The following RBFOX2 variants were observed in gnomAD, a reference collection of about 807,000 sequenced individuals.
RBFOX2 encodes RNA binding fox-1 homolog 2.
RBFOX2 carries 10 observed loss-of-function variants against 49.1 expected under a neutral mutation model. That is an observed-to-expected ratio of 0.20 (90% confidence interval 0.13 to 0.35). The LOEUF (loss-of-function observed/expected upper bound fraction) is 0.35, where lower values mean the gene tolerates loss of function less well. RBFOX2 is among the 10% of genes least tolerant of loss of function. RBFOX2 has a pLI of 1.00. For synonymous variants in RBFOX2, 183 were observed against 187.4 expected (o/e 0.98, Z 0.19); for missense variants, 323 against 486.9 (o/e 0.66, Z 3.17).
At chr22:35,945,289 A>T (rs2054152194) in intron 1 of RBFOX2, among the ~76,000 whole-genome samples, 1 of 152,250 alleles carries the variant, frequency 6.6e-6, no homozygotes, top group Admixed American at 6.5e-5. Context: ...TCACTATGTT[A>T]TTCGCAGCAA....
chr22:35,878,259 A>G (rs2045421547), intron 1 of RBFOX2, among the ~76,000 whole-genome samples: 1 of 152,090 alleles, frequency 6.6e-6, no homozygotes, highest in African/African-American at 2.4e-5. Context: ...TTAGCCGAGC[A>G]TGGTGGTATG....
intron 1 of RBFOX2, among the ~76,000 whole-genome samples, chr22:35,960,945 T>C (rs974527371): frequency 6.6e-6 from 1 of 151,940 alleles, no homozygotes; most frequent in African/African-American, 2.4e-5. Context: ...GATGCACAGG[T>C]TCTGTTATAT....
intron 1 of RBFOX2, among the ~76,000 whole-genome samples, chr22:35,836,032 C>G (rs1016055044): frequency 2.6e-5 from 4 of 151,956 alleles, no homozygotes; most frequent in African/African-American, 4.8e-5. Context: ...TCCTGCAAAG[C>G]CCATAGAAAG....
At chr22:35,883,176 G>A (rs2046141720) in intron 1 of RBFOX2, among the ~76,000 whole-genome samples, 2 of 152,158 alleles carry the variant, frequency 1.3e-5, no homozygotes, top group South Asian at 4.1e-4. Flanking sequence ...GTTAGCTCCT[G>A]AGCACTTTCT....
At chr22:35,916,449 T>C (rs571149862) in intron 1 of RBFOX2, among the ~76,000 whole-genome samples, 35 of 152,238 alleles carry the variant, frequency 2.3e-4, no homozygotes, top group African/African-American at 7.9e-4. Flanking sequence ...ACCCGGCTAA[T>C]ATTTGTATTT....
In RBFOX2 at chr22:35,899,122, A is replaced by AATAGC. The variant is rs1556357858; in HGVS notation, c.-34+39724_-34+39725insGCTAT. Reference sequence around the variant, plus strand: ...AACAAGAGCAAAATTCTGTCTCAAAAATAACATAACATAACATAACATAAC... The same window carrying AATAGC: ...AACAAGAGCAAAATTCTGTCTCAAAAATAGCATAACATAACATAACATAACATAAC... On this transcript the variant is annotated intron_variant, in intron 1 of 13. Transcript: ENST00000359369. Among the ~76,000 whole-genome samples the AATAGC allele has an allele frequency of 2.2e-5, 3 of 139,320 alleles. No individual in the cohort carries two copies. The East Asian group carries it at 6.4e-4, about 30-fold the overall frequency. The allele number at this position is 139,320 out of a possible 152,430, so 91.4% of individuals were successfully genotyped here. A position where few individuals can be genotyped will look rare whatever the true frequency, so the allele number is the denominator to read the frequency against.
At chr22:35,976,469 C>G (rs142848736) in intron 1 of RBFOX2, among the ~76,000 whole-genome samples, 1,679 of 152,240 alleles carry the variant, frequency 0.011, 53 homozygotes, top group Admixed American at 0.068. Context: ...CATCCTTTCA[C>G]AAATATTTCC....
At chr22:35,993,689 C>T (rs1367817509) in intron 1 of RBFOX2, 3 of 152,068 alleles carry the variant, frequency 2.0e-5, no homozygotes, top group Non-Finnish European at 2.9e-5. Context: ...CGAGAAATAA[C>T]TAATAGGGAG....
intron 2 of RBFOX2, among the ~76,000 whole-genome samples, chr22:35,784,488 A>G (rs6000004): frequency 0.23 from 34,321 of 152,178 alleles, 6,031 homozygotes; most frequent in African/African-American, 0.49. Flanking sequence ...GGTATCAGAC[A>G]GCTGCTCTCC....
At chr22:35,848,950 C>A (rs1042303677) in intron 1 of RBFOX2, among the ~76,000 whole-genome samples, 1 of 152,046 alleles carries the variant, frequency 6.6e-6, no homozygotes, top group Non-Finnish European at 1.5e-5. Context: ...AACCAGAATC[C>A]AGGACTCCTA....
At chr22:35,820,824 A>G (rs1046575155) in intron 1 of RBFOX2, among the ~76,000 whole-genome samples, 4 of 152,240 alleles carry the variant, frequency 2.6e-5, no homozygotes, top group Non-Finnish European at 5.9e-5. Context: ...AACAAAGGTG[A>G]TATGAGGTAG....
intron 1 of RBFOX2, among the ~76,000 whole-genome samples, chr22:35,980,142 TA>T (rs1156702776): frequency 1.3e-5 from 2 of 151,752 alleles, no homozygotes; most frequent in Non-Finnish European, 2.9e-5. Flanking sequence ...TTGAGATGTA[TA>T]AAAAAAATAG....
chr22:36,000,852 T>G lies in RBFOX2; in HGVS notation c.186+27388A>C, dbSNP rs558135268. Among the ~76,000 whole-genome samples, 81 of 152,200 alleles carry G rather than the reference T, an allele frequency of 5.3e-4. 1 individual carries two copies. Among genetic ancestry groups the G allele is most frequent in the South Asian group, 3.5e-3 (17 of 4,804 alleles). On this transcript the variant is annotated intron_variant, in intron 1 of 13. Transcript: ENST00000438146. The stretch of plus-strand genomic sequence containing the variant: ...CTGTCTCCAACTCCCTATCTCCACA[T>G]AACACAAAAGTTAAATCCTACTCAA...
chr22:35,835,065 T>C (rs1603364166), intron 1 of RBFOX2, among the ~76,000 whole-genome samples: 1 of 152,138 alleles, frequency 6.6e-6, no homozygotes, highest in Non-Finnish European at 1.5e-5. Flanking sequence ...TGGAGCCCAC[T>C]AAGAAAGGTG....
At chr22:35,841,216 G>A (rs1169328670), upstream of RBFOX2, among the ~76,000 whole-genome samples, 1 of 152,086 alleles carries the variant, frequency 6.6e-6, no homozygotes, top group Non-Finnish European at 1.5e-5. Flanking sequence ...GTTTTCTCCA[G>A]CCTTCTATGT....
intron 1 of RBFOX2, among the ~76,000 whole-genome samples, chr22:35,845,997 AT>A (rs145167751): frequency 0.14 from 20,590 of 151,346 alleles, 1,902 homozygotes; most frequent in East Asian, 0.19. Flanking sequence ...TATAAATTAT[AT>A]AAACTTGCAT....
intron 1 of RBFOX2, among the ~76,000 whole-genome samples, chr22:35,853,658 C>CGTGTGT (rs36048607): frequency 0.017 from 2,418 of 141,094 alleles, 38 homozygotes; most frequent in East Asian, 0.05. Context: ...TATATACACA[C>CGTGTGT]GTGTGTGTGT....
intron 1 of RBFOX2, among the ~76,000 whole-genome samples, chr22:35,914,077 G>A (rs1018749202): frequency 6.6e-6 from 1 of 152,194 alleles, no homozygotes; most frequent in African/African-American, 2.4e-5. Flanking sequence ...AAGAATATCA[G>A]AGTGAAAATG....
At chr22:35,756,308 A>C (rs905262317) in intron 9 of RBFOX2, among the ~76,000 whole-genome samples, 164 bp from the exon 11 acceptor site, 6 of 152,212 alleles carry the variant, frequency 3.9e-5, no homozygotes, top group African/African-American at 1.4e-4. Context: ...AAAATGTGAA[A>C]GTGCACACGA....
Sources: allele counts gnomAD v4.1 joint callset (sites outside exome capture counted in the v4.1 genomes callset), GRCh38; gene constraint gnomAD v4.1.1; transcripts MANE v1.5; gene names NCBI Gene and HGNC (gene_info 2026-07-23, HGNC 2026-07-21).